FUT9: variants seen among roughly 807,000 people sequenced by gnomAD.
FUT9 encodes the protein 4-galactosyl-N-acetylglucosaminide 3-alpha-L-fucosyltransferase 9.
In FUT9, 15 loss-of-function variants were observed where a neutral mutation model predicts 29.7. The observed-to-expected ratio is 0.51, with a 90% CI of 0.34 to 0.78. FUT9 has a LOEUF of 0.78. Ranked by LOEUF, FUT9 falls within the 30% of genes least tolerant of loss-of-function variation. FUT9 has a pLI of 0.01. For missense variants in FUT9, 319 were observed against 425.4 expected, an observed-to-expected ratio of 0.75 and a Z score of 2.20; for synonymous variants, 169 against 153.7, an observed-to-expected ratio of 1.10 and a Z score of -0.74.
chr6:96,018,977 G>T (rs989512734), intron 1 of FUT9, among the ~76,000 whole-genome samples: 1 of 151,522 alleles, frequency 6.6e-6, no homozygotes, highest in Non-Finnish European at 1.5e-5. Flanking sequence ...CTATTATTTG[G>T]TATTATTTTG....
intron 2 of FUT9, among the ~76,000 whole-genome samples, chr6:96,199,371 T>C (rs970569625): frequency 2.0e-5 from 3 of 152,120 alleles, no homozygotes; most frequent in Admixed American, 6.6e-5. Flanking sequence ...ACTGAGTAAC[T>C]GCCCCTATTA....
intron 2 of FUT9, among the ~76,000 whole-genome samples, chr6:96,146,128 C>T (rs1241257081): frequency 6.6e-6 from 1 of 152,128 alleles, no homozygotes; most frequent in Non-Finnish European, 1.5e-5. Flanking sequence ...CATGAGCTAC[C>T]ACACTGGGCC....
chr6:96,178,702 C>T (rs1773250026), intron 2 of FUT9, among the ~76,000 whole-genome samples: 1 of 152,012 alleles, frequency 6.6e-6, no homozygotes, highest in Non-Finnish European at 1.5e-5. Flanking sequence ...GGTTTCAATT[C>T]CTCATTTGAT....
At chr6:96,055,166 T>C (rs1770739744) in intron 1 of FUT9, among the ~76,000 whole-genome samples, 1 of 152,182 alleles carries the variant, frequency 6.6e-6, no homozygotes, top group Non-Finnish European at 1.5e-5. Context: ...TTATGAGTGG[T>C]CTGCTTAGTG....
At chr6:96,112,439 A>C (rs1375025162) in intron 1 of FUT9, among the ~76,000 whole-genome samples, 1 of 152,230 alleles carries the variant, frequency 6.6e-6, no homozygotes, top group Non-Finnish European at 1.5e-5. Flanking sequence ...TACTTGTATT[A>C]TCTTTAAATG....
chr6:96,125,412 T>C (rs1315283457), intron 2 of FUT9, among the ~76,000 whole-genome samples: 1 of 152,212 alleles, frequency 6.6e-6, no homozygotes, highest in African/African-American at 2.4e-5. Flanking sequence ...CAATGGCAAA[T>C]TGAAATGTGA....
At chr6:96,049,862 G>A (rs1219881513) in intron 1 of FUT9, among the ~76,000 whole-genome samples, 6 of 152,168 alleles carry the variant, frequency 3.9e-5, no homozygotes, top group Non-Finnish European at 5.9e-5. Flanking sequence ...ATTAGCTAAC[G>A]TGGACTAAAT....
intron 2 of FUT9, among the ~76,000 whole-genome samples, chr6:96,167,178 G>A (rs1323835839): frequency 1.3e-5 from 2 of 152,122 alleles, no homozygotes. Context: ...ATAATTTAAA[G>A]TCTATTTCTG....
chr6:96,048,619 T>C lies in FUT9; in HGVS notation c.-98+32407T>C, dbSNP rs530838692. ...ATTCATATTGTCATATTGATTTAAG[T>C]TCCTATGATACTTAATGCTACATCT... is the stretch of plus-strand genomic sequence containing the variant. On this transcript the variant is annotated intron_variant, in intron 1 of 2. Transcript: ENST00000302103. Among the ~76,000 whole-genome samples, 19 of 152,264 alleles carry C rather than the reference T, an allele frequency of 1.2e-4. 1 individual carries two copies. In the South Asian group the frequency reaches 3.7e-3, roughly 30 times the overall value.
At chr6:96,187,663 A>C (rs1773428499) in intron 2 of FUT9, among the ~76,000 whole-genome samples, 1 of 152,130 alleles carries the variant, frequency 6.6e-6, no homozygotes, top group African/African-American at 2.4e-5. Flanking sequence ...GATCCAGGGA[A>C]TTTGGATTAT....
chr6:96,056,599 T>A (rs1384511530), intron 1 of FUT9, among the ~76,000 whole-genome samples: 1 of 151,908 alleles, frequency 6.6e-6, no homozygotes, highest in East Asian at 1.9e-4. Flanking sequence ...CAAAATAAGC[T>A]CTCAGCTGGG....
rs958107042 is a variant in FUT9, at chr6:96,017,907, T to G, written c.-98+1695T>G. ...AAGTTGAGCCATCATCTAGGGAATT[T>G]GTTAGTTAATATTGCCTTAATACCT... On this transcript the variant is annotated intron_variant, in intron 1 of 2. Transcript: ENST00000302103. Among the ~76,000 whole-genome samples the G allele has an allele frequency of 2.6e-5, 4 of 152,138 alleles. 1 individual carries two copies. The highest frequency in any genetic ancestry group is 4.1e-4 in the South Asian group (2 of 4,832).
At chr6:96,047,825 G>A (rs2031452) in intron 1 of FUT9, among the ~76,000 whole-genome samples, 109,791 of 152,134 alleles carry the variant, frequency 0.72, 40,510 homozygotes, top group African/African-American at 0.89. Flanking sequence ...TAGATGATTT[G>A]TAGAGGATGT....
At chr6:96,053,903 G>C (rs1193434516) in intron 1 of FUT9, among the ~76,000 whole-genome samples, 1 of 151,984 alleles carries the variant, frequency 6.6e-6, no homozygotes, top group Admixed American at 6.6e-5. Context: ...TTTTGGTTTA[G>C]GGAAATTGTG....
At chr6:96,115,314 T>C (rs1771889812) in intron 2 of FUT9, among the ~76,000 whole-genome samples, 1 of 152,234 alleles carries the variant, frequency 6.6e-6, no homozygotes, top group South Asian at 2.1e-4. Flanking sequence ...ATATGACTAA[T>C]GTAAAGAAAA....
intron 2 of FUT9, among the ~76,000 whole-genome samples, chr6:96,115,495 C>T (rs1385235025): frequency 6.6e-6 from 1 of 152,188 alleles, no homozygotes; most frequent in African/African-American, 2.4e-5. Flanking sequence ...AATTGTCCTA[C>T]AAACATTTAA....
chr6:96,070,714 T>A (rs541645684), intron 1 of FUT9, among the ~76,000 whole-genome samples: 83 of 152,280 alleles, frequency 5.5e-4, no homozygotes, highest in Non-Finnish European at 8.2e-4. Context: ...TTAATTTAAT[T>A]AAGTTAGAAT....
At chr6:96,124,344 G>A (rs1197266924) in intron 2 of FUT9, among the ~76,000 whole-genome samples, 2 of 151,484 alleles carry the variant, frequency 1.3e-5, no homozygotes, top group Non-Finnish European at 2.9e-5. Flanking sequence ...TAGAGACAGG[G>A]TTTCACCAAG....
chr6:96,082,132 G>T (rs1377192404), intron 1 of FUT9, among the ~76,000 whole-genome samples: 2 of 151,186 alleles, frequency 1.3e-5, no homozygotes, highest in Admixed American at 6.6e-5. Flanking sequence ...TCTTTTTATG[G>T]CATATTCAGT....
Sources: allele counts gnomAD v4.1 joint callset (sites outside exome capture counted in the v4.1 genomes callset), GRCh38; gene constraint gnomAD v4.1.1; transcripts MANE v1.5; gene names NCBI Gene and HGNC (gene_info 2026-07-23, HGNC 2026-07-21).